The following CSMD1 variants were observed in gnomAD, a reference collection of about 807,000 sequenced individuals.
CSMD1 encodes the protein CUB and Sushi multiple domains 1.
In CSMD1, 213 loss-of-function variants were observed where a neutral mutation model predicts 417.5. The ratio of observed to expected loss-of-function variants is 0.51; its 90% CI spans 0.46 to 0.57. The LOEUF (loss-of-function observed/expected upper bound fraction) is 0.57, where lower values mean the gene tolerates loss of function less well. Ranked by LOEUF, CSMD1 falls within the 20% of genes least tolerant of loss-of-function variation. The probability of loss-of-function intolerance (pLI) is 0.00; values close to 1 mark genes in which losing one functional copy is unlikely to be tolerated. For missense variants in CSMD1, 6,923 were observed against 4,529.7 expected (o/e 1.53, Z -15.17); for synonymous variants, 2,862 against 1,736.8 (o/e 1.65, Z -16.11).
intron 11 of CSMD1, among the ~76,000 whole-genome samples, chr8:3,479,770 C>G (rs1817631216): frequency 6.6e-6 from 1 of 151,768 alleles, no homozygotes; most frequent in Non-Finnish European, 1.5e-5. Context: ...GACAATCAAC[C>G]AACCCCAACA....
chr8:3,971,101 C>A (rs1293889193), intron 5 of CSMD1, among the ~76,000 whole-genome samples: 1 of 152,120 alleles, frequency 6.6e-6, no homozygotes, highest in African/African-American at 2.4e-5. Context: ...TGACATAGAA[C>A]CATGTGATCC....
Position 4,209,050 on chromosome 8 carries a change from T to C in CSMD1, c.416-176951A>G, listed in dbSNP as rs568015555. Among the ~76,000 whole-genome samples, 82 of 152,298 alleles carry C rather than the reference T, an allele frequency of 5.4e-4. 1 individual carries two copies. In the South Asian group the frequency reaches 0.012, roughly 23 times the overall value. On this transcript the variant is annotated intron_variant, in intron 3 of 69. Transcript: ENST00000635120. Reference sequence around the variant, plus strand: ...ATTGTATTCTCTCCTGTCTCTGACTTCTTGCTTCTTGAATTTTTCTTTTTT... The same window carrying C: ...ATTGTATTCTCTCCTGTCTCTGACTCCTTGCTTCTTGAATTTTTCTTTTTT...
Position 3,998,078 on chromosome 8 carries a change from T to C in CSMD1, c.643A>G (p.Thr215Ala). 1.3e-6 allele frequency: 2 copies of C among 1,586,048 alleles called. No homozygotes were observed. The highest frequency in any genetic ancestry group is 1.1e-5 in the South Asian group (1 of 87,084). Residue 215 changes from threonine to alanine, a missense_variant, in exon 5 of 70, where the codon ACC (threonine) becomes GCC (alanine). Coordinates refer to ENST00000635120, the MANE Select transcript of CSMD1 (RefSeq NM_033225.6). Reference sequence around the variant, plus strand: ...TGCGGGCTGGAGATGGAGCTGCTGGTCCCGCGTAAGGTTCCTCCGCAGGCT... The same window carrying C: ...TGCGGGCTGGAGATGGAGCTGCTGGCCCCGCGTAAGGTTCCTCCGCAGGCT... ...EGACGGTLRG[T>A]SSSISSPHFP...
intron 3 of CSMD1, among the ~76,000 whole-genome samples, chr8:4,212,483 G>C (rs1367662721): frequency 6.6e-6 from 1 of 151,990 alleles, no homozygotes; most frequent in East Asian, 1.9e-4. Context: ...CAGACTGGCA[G>C]ATGGAAGCGA....
chr8:3,895,204 G>C (rs574861333), intron 5 of CSMD1, among the ~76,000 whole-genome samples: 13 of 152,234 alleles, frequency 8.5e-5, no homozygotes, highest in African/African-American at 3.1e-4. Context: ...TAAGAAAATG[G>C]ATTTAATTAA....
At chr8:4,143,631 T>C (rs974145699) in intron 3 of CSMD1, among the ~76,000 whole-genome samples, 4 of 151,082 alleles carry the variant, frequency 2.6e-5, no homozygotes, top group Non-Finnish European at 4.4e-5. Context: ...GTACACCTGA[T>C]ACCGGAAGGA....
At chr8:3,594,942 A>T (rs560360054) in intron 8 of CSMD1, among the ~76,000 whole-genome samples, 7 of 152,348 alleles carry the variant, frequency 4.6e-5, no homozygotes, top group Admixed American at 1.3e-4. Flanking sequence ...AATTCAGAAC[A>T]TCTCCTAGAT....
chr8:4,288,862 G>T (rs182725174), intron 3 of CSMD1, among the ~76,000 whole-genome samples: 1 of 152,114 alleles, frequency 6.6e-6, no homozygotes, highest in African/African-American at 2.4e-5. Context: ...AGTATGCTAT[G>T]AATTATTTTA....
chr8:3,101,061 T>G (rs889963493), intron 46 of CSMD1, among the ~76,000 whole-genome samples: 2 of 151,798 alleles, frequency 1.3e-5, no homozygotes, highest in African/African-American at 4.8e-5. Context: ...TGGTGTTTTT[T>G]TTTTTTTTTT....
intron 1 of CSMD1, among the ~76,000 whole-genome samples, chr8:4,878,150 A>T (rs563289210): frequency 6.6e-6 from 1 of 152,088 alleles, no homozygotes; most frequent in Non-Finnish European, 1.5e-5. Context: ...AGTCTAAGAA[A>T]ATTATTTTAG....
intron 3 of CSMD1, among the ~76,000 whole-genome samples, chr8:4,122,639 A>C (rs971318165): frequency 4.6e-5 from 7 of 152,142 alleles, no homozygotes; most frequent in Non-Finnish European, 2.9e-5. Context: ...TCCAATCGCC[A>C]AACCAAACCA....
Position 3,396,223 on chromosome 8 carries a change from G to C in CSMD1, c.2564C>G (p.Ser855Cys). The C allele has an allele frequency of 6.4e-7, 1 of 1,568,218 alleles. No individual in the cohort carries two copies. The highest frequency in any genetic ancestry group is 2.4e-5 in the East Asian group (1 of 42,468). The change falls in exon 17 of 70, where the codon TCC becomes TGC. Residue 855 changes from serine (S) to cysteine (C), a missense_variant. Ser to Cys is a moderately radical substitution (Grantham distance 112). Coordinates refer to ENST00000635120, the MANE Select transcript of CSMD1 (RefSeq NM_033225.6). ...YLLFTTDNSR[S>C]SIGFLIHYES... ...ATAGTGGATGAGGAAGCCGATGCTG[G>C]AGCGGCTGTTGTCAGTGGTGAACAG...
chr8:4,266,116 G>A (rs1484584110), intron 3 of CSMD1, among the ~76,000 whole-genome samples: 3 of 102,822 alleles, frequency 2.9e-5, no homozygotes, highest in African/African-American at 7.9e-5. Context: ...TTGATCATTT[G>A]GAACTGACTT....
intron 49 of CSMD1, among the ~76,000 whole-genome samples, chr8:3,059,800 A>T (rs1032055094): frequency 5.3e-5 from 8 of 152,108 alleles, no homozygotes; most frequent in Non-Finnish European, 1.0e-4. Flanking sequence ...TGTGGGAGTC[A>T]CAGGAAAGAC....
chr8:4,362,696 TA>T, intron 3 of CSMD1, among the ~76,000 whole-genome samples: 1 of 152,340 alleles, frequency 6.6e-6, no homozygotes, highest in Middle Eastern at 3.4e-3. Flanking sequence ...GGATGACTGA[TA>T]AGATTTGTAA....
intron 18 of CSMD1, among the ~76,000 whole-genome samples, chr8:3,385,948 G>T (rs1326980610): frequency 6.6e-6 from 1 of 152,108 alleles, no homozygotes; most frequent in African/African-American, 2.4e-5. Context: ...CACCATCTGT[G>T]ATTGTCGTGA....
chr8:4,415,430 G>C (rs1796880804), intron 3 of CSMD1, among the ~76,000 whole-genome samples: 1 of 151,872 alleles, frequency 6.6e-6, no homozygotes, highest in Admixed American at 6.6e-5. Flanking sequence ...TAGCGCACGT[G>C]CTTTAATAAC....
chr8:4,738,206 A>T (rs902923746), intron 1 of CSMD1, among the ~76,000 whole-genome samples: 1 of 152,184 alleles, frequency 6.6e-6, no homozygotes, highest in Non-Finnish European at 1.5e-5. Context: ...CGTTTTTATT[A>T]AAAAAGAATG....
chr8:3,888,048 T>C (rs80331753), intron 5 of CSMD1, among the ~76,000 whole-genome samples: 1,727 of 152,264 alleles, frequency 0.011, 34 homozygotes, highest in African/African-American at 0.039. Context: ...ACAAAAGATA[T>C]TGGAAAATAC....
Sources: allele counts gnomAD v4.1 joint callset (sites outside exome capture counted in the v4.1 genomes callset), GRCh38; gene constraint gnomAD v4.1.1; transcripts MANE v1.5; gene names NCBI Gene and HGNC (gene_info 2026-07-23, HGNC 2026-07-21).